The following IFT56 variants were observed in gnomAD, a reference collection of about 807,000 sequenced individuals.
IFT56 encodes the protein intraflagellar transport 56.
the IFT56 span, among the ~76,000 whole-genome samples, chr7:139,154,571 A>G: frequency 6.6e-6 from 1 of 152,152 alleles, no homozygotes. Flanking sequence ...CAGTTATTCC[A>G]GCACCATTTG....
the IFT56 span, chr7:139,172,905 C>T: frequency 4.2e-6 from 3 of 711,132 alleles, no homozygotes; most frequent in Admixed American, 1.8e-5. Context: ...GCACGGGTGT[C>T]TTCTTTTCCA....
chr7:139,168,981 G>T, the IFT56 span, among the ~76,000 whole-genome samples: 39,357 of 152,050 alleles, frequency 0.26, 9,386 homozygotes, highest in African/African-American at 0.61. Flanking sequence ...TATATCTACA[G>T]CTCCTGTTCC....
At chr7:139,144,377 A>AT in the IFT56 span, among the ~76,000 whole-genome samples, 1 of 151,514 alleles carries the variant, frequency 6.6e-6, no homozygotes, top group Non-Finnish European at 1.5e-5. Flanking sequence ...TCCTATGAAG[A>AT]TTTTTTTTCT....
the IFT56 span, among the ~76,000 whole-genome samples, chr7:139,152,937 TC>T: frequency 6.6e-6 from 1 of 151,706 alleles, no homozygotes; most frequent in Non-Finnish European, 1.5e-5. Context: ...TTGCCTGAGC[TC>T]AGGAGTTCGA....
chr7:139,162,793 TA>T, the IFT56 span, among the ~76,000 whole-genome samples: 1 of 151,626 alleles, frequency 6.6e-6, no homozygotes, highest in Admixed American at 6.6e-5. Context: ...ACTCCACCTC[TA>T]CTAAAAATAC....
At chr7:139,183,661 C>CA in the IFT56 span, among the ~76,000 whole-genome samples, 1 of 148,264 alleles carries the variant, frequency 6.7e-6, no homozygotes, top group African/African-American at 2.5e-5. Context: ...TTACATAGGT[C>CA]AAAAATAAAA....
the IFT56 span, among the ~76,000 whole-genome samples, chr7:139,172,174 A>G: frequency 6.6e-6 from 1 of 152,112 alleles, no homozygotes; most frequent in African/African-American, 2.4e-5. Context: ...TAAAAAAACA[A>G]TGTGGTTCTA....
the IFT56 span, among the ~76,000 whole-genome samples, chr7:139,170,816 A>G: frequency 6.6e-6 from 1 of 152,346 alleles, no homozygotes; most frequent in Admixed American, 6.5e-5. Flanking sequence ...CACTTTCACC[A>G]CTGTTATTCA....
chr7:139,169,794 T>G, the IFT56 span, among the ~76,000 whole-genome samples: 1 of 152,142 alleles, frequency 6.6e-6, no homozygotes, highest in African/African-American at 2.4e-5. Flanking sequence ...GCAGATGGCT[T>G]GAGCCCAGGA....
the IFT56 span, among the ~76,000 whole-genome samples, chr7:139,143,247 G>A: frequency 2.4e-4 from 36 of 152,166 alleles, no homozygotes; most frequent in South Asian, 6.2e-4. Context: ...TCATCCACAG[G>A]CATTATATGA....
the IFT56 span, chr7:139,173,765 G>A: frequency 1.3e-6 from 1 of 758,814 alleles, no homozygotes; most frequent in Non-Finnish European, 2.5e-6. Flanking sequence ...TTATGATGTT[G>A]GTCTGGCATG....
At chr7:139,173,700 G>A in the IFT56 span, 9 of 771,136 alleles carry the variant, frequency 1.2e-5, no homozygotes, top group Middle Eastern at 2.3e-4. Context: ...TGATGGTGAC[G>A]AGGCCTCTCA....
At chr7:139,146,766 CAAAAAAAAA>C in the IFT56 span, among the ~76,000 whole-genome samples, 1 of 88,738 alleles carries the variant, frequency 1.1e-5, no homozygotes, top group African/African-American at 3.4e-5. Context: ...GACTCCGTTT[CAAAAAAAAA>C]AAAAAAAAAG....
At chr7:139,186,349 C>T in the IFT56 span, among the ~76,000 whole-genome samples, 1 of 151,494 alleles carries the variant, frequency 6.6e-6, no homozygotes, top group South Asian at 2.1e-4. Context: ...TCTCTTGAGC[C>T]CAGGAATTTG....
chr7:139,180,335 CA>C, the IFT56 span, among the ~76,000 whole-genome samples: 21 of 149,764 alleles, frequency 1.4e-4, no homozygotes, highest in Admixed American at 1.1e-3. Flanking sequence ...GACTCCGTCT[CA>C]AAAAAAGAAA....
At chr7:139,189,366 C>A in the IFT56 span, 10 of 1,613,290 alleles carry the variant, frequency 6.2e-6, no homozygotes, top group East Asian at 1.3e-4. Context: ...GCACAGGTAA[C>A]ACCCAAGTAG....
At chr7:139,154,185 T>C in the IFT56 span, among the ~76,000 whole-genome samples, 2 of 152,206 alleles carry the variant, frequency 1.3e-5, no homozygotes, top group African/African-American at 4.8e-5. Flanking sequence ...ATAAGTTATT[T>C]GTCTTTTTAT....
chr7:139,134,385 C>T, the IFT56 span, among the ~76,000 whole-genome samples: 1 of 151,956 alleles, frequency 6.6e-6, no homozygotes. Flanking sequence ...TTTCTTCTGC[C>T]TCAGCCTCCC....
At chr7:139,166,940 A>G in the IFT56 span, 1 of 1,305,256 alleles carries the variant, frequency 7.7e-7, no homozygotes, top group Non-Finnish European at 1.1e-6. Flanking sequence ...GTTCTGCTAA[A>G]AGTGGAACTT....
Sources: allele counts gnomAD v4.1 joint callset (sites outside exome capture counted in the v4.1 genomes callset), GRCh38; gene constraint gnomAD v4.1.1; transcripts MANE v1.5; gene names NCBI Gene and HGNC (gene_info 2026-07-23, HGNC 2026-07-21).